FSTL4: variants seen among roughly 807,000 people sequenced by gnomAD.
FSTL4 encodes follistatin like 4.
A neutral mutation model predicts 78.2 loss-of-function variants in FSTL4; 28 were observed. The observed-to-expected ratio is 0.36, with a 90% CI of 0.27 to 0.49. FSTL4 has a LOEUF of 0.49. Ranked by LOEUF, FSTL4 falls within the 20% of genes least tolerant of loss-of-function variation. The pLI, the probability that FSTL4 is intolerant of heterozygous loss-of-function variation, is 0.98. For synonymous variants in FSTL4, 422 were observed against 440.5 expected, an observed-to-expected ratio of 0.96 and a Z score of 0.53; for missense variants, 922 against 1,084.9, an observed-to-expected ratio of 0.85 and a Z score of 2.11.
chr5:133,615,857 A>G (rs979280388), upstream of FSTL4, among the ~76,000 whole-genome samples: 1 of 152,216 alleles, frequency 6.6e-6, no homozygotes, highest in Non-Finnish European at 1.5e-5. Flanking sequence ...ACAAAGAAGA[A>G]GTGGTATAGA....
intron 3 of FSTL4, among the ~76,000 whole-genome samples, chr5:133,531,082 T>C (rs1486702425): frequency 6.6e-6 from 1 of 152,154 alleles, no homozygotes; most frequent in East Asian, 1.9e-4. Flanking sequence ...GGAGAGCGAA[T>C]GCAGAAAAGG....
At chr5:133,495,829 T>C (rs999001716) in intron 3 of FSTL4, among the ~76,000 whole-genome samples, 3 of 152,174 alleles carry the variant, frequency 2.0e-5, no homozygotes, top group Admixed American at 6.5e-5. Context: ...TAAATGTCCA[T>C]AGGCCATGAA....
chr5:133,368,366 T>C (rs1755221919), intron 4 of FSTL4, among the ~76,000 whole-genome samples: 1 of 152,236 alleles, frequency 6.6e-6, no homozygotes, highest in African/African-American at 2.4e-5. Flanking sequence ...ACCAGTGCTG[T>C]CTGCACAACT....
intron 4 of FSTL4, among the ~76,000 whole-genome samples, chr5:133,348,154 A>C (rs1195146960): frequency 6.6e-6 from 1 of 152,244 alleles, no homozygotes; most frequent in African/African-American, 2.4e-5. Flanking sequence ...TAAAGGTATC[A>C]AACTCTTGGC....
At chr5:133,625,397 T>C in the FSTL4 span, among the ~76,000 whole-genome samples, 1 of 151,662 alleles carries the variant, frequency 6.6e-6, no homozygotes, top group African/African-American at 2.4e-5. Flanking sequence ...CAAATTTGTG[T>C]GTATAGAGTG....
chr5:133,448,304 G>A (rs1030307240), intron 3 of FSTL4, among the ~76,000 whole-genome samples: 7 of 152,290 alleles, frequency 4.6e-5, no homozygotes, highest in South Asian at 2.1e-4. Context: ...CCCAGGGACC[G>A]TCCTCAGTGG....
chr5:133,199,239 C>G lies in FSTL4; in HGVS notation c.2385G>C (p.Met795Ile). ...ACTGTCCAAACAGCCCACTGTCCCT[C>G]ATGATTCTGTGGGTACCCCCCCAGG... ...AQPWGGTHRI[M>I]RDSGLFGQYL... The change falls in exon 16 of 16, where the codon ATG becomes ATC. Residue 795 changes from methionine to isoleucine, a missense_variant. Met to Ile is a conservative substitution (Grantham distance 10). Coordinates refer to ENST00000265342, the MANE Select transcript of FSTL4 (RefSeq NM_015082.2). The surrounding 1 kb of genome is among the most constrained non-coding windows in gnomAD (Gnocchi z 4.4). 10 of 1,613,742 alleles carry G rather than the reference C, an allele frequency of 6.2e-6. No individual in the cohort carries two copies. The highest frequency in any genetic ancestry group is 8.5e-6 in the Non-Finnish European group (10 of 1,179,646).
intron 3 of FSTL4, among the ~76,000 whole-genome samples, chr5:133,493,524 A>G (rs1758311252): frequency 6.6e-6 from 1 of 152,212 alleles, no homozygotes; most frequent in African/African-American, 2.4e-5. Flanking sequence ...ATTTTCACAG[A>G]GAGGGCAGTC....
chr5:133,442,140 C>G (rs916219598), intron 3 of FSTL4, among the ~76,000 whole-genome samples: 5 of 152,232 alleles, frequency 3.3e-5, no homozygotes, highest in African/African-American at 1.2e-4. Flanking sequence ...AAGGTCTCAA[C>G]TGATTATCTG....
At chr5:133,828,875 C>T in the FSTL4 span, among the ~76,000 whole-genome samples, 2 of 152,158 alleles carry the variant, frequency 1.3e-5, no homozygotes, top group African/African-American at 4.8e-5. Flanking sequence ...CTTCACTAAA[C>T]AAAGAGCTTT....
At chr5:133,283,536 T>C (rs977237905) in intron 6 of FSTL4, among the ~76,000 whole-genome samples, 2 of 152,152 alleles carry the variant, frequency 1.3e-5, no homozygotes, top group East Asian at 1.9e-4. Flanking sequence ...GCCAGACACA[T>C]GGTGGCATTC....
chr5:133,756,942 C>T, the FSTL4 span, among the ~76,000 whole-genome samples: 2 of 152,170 alleles, frequency 1.3e-5, no homozygotes, highest in Non-Finnish European at 2.9e-5. Flanking sequence ...AGTCAGCTCA[C>T]CCCGCCCCAG....
At chr5:133,759,572 T>G in the FSTL4 span, among the ~76,000 whole-genome samples, 1 of 152,234 alleles carries the variant, frequency 6.6e-6, no homozygotes, top group Non-Finnish European at 1.5e-5. Context: ...TAGGGCCCAG[T>G]ACTATGTGAT....
chr5:133,254,628 G>C (rs1295363258), intron 6 of FSTL4, among the ~76,000 whole-genome samples: 1 of 152,220 alleles, frequency 6.6e-6, no homozygotes, highest in Non-Finnish European at 1.5e-5. Flanking sequence ...TGGGCATCGT[G>C]CGTGATCAGG....
intron 4 of FSTL4, among the ~76,000 whole-genome samples, chr5:133,345,677 T>G (rs1392707239): frequency 1.3e-5 from 2 of 152,014 alleles, no homozygotes; most frequent in Non-Finnish European, 2.9e-5. Context: ...GAAATGCAAA[T>G]CAAAACCACA....
chr5:133,379,432 A>T (rs905977021), intron 4 of FSTL4, among the ~76,000 whole-genome samples: 2 of 152,142 alleles, frequency 1.3e-5, no homozygotes, highest in African/African-American at 4.8e-5. Flanking sequence ...ACCCTATTTA[A>T]CAAAAGCAGA....
intron 8 of FSTL4, among the ~76,000 whole-genome samples, chr5:133,229,171 C>T (rs1056628137): frequency 6.6e-6 from 1 of 152,166 alleles, no homozygotes; most frequent in Non-Finnish European, 1.5e-5. Flanking sequence ...GACTTAATAT[C>T]GTTAGGAAAC....
chr5:133,571,196 C>T (rs79547603), intron 2 of FSTL4, among the ~76,000 whole-genome samples: 2,670 of 152,172 alleles, frequency 0.018, 85 homozygotes, highest in African/African-American at 0.06. Flanking sequence ...AAGAAATAGT[C>T]GCCCTGACAA....
the FSTL4 span, among the ~76,000 whole-genome samples, chr5:133,681,185 C>T: frequency 1.7e-4 from 26 of 152,242 alleles, no homozygotes; most frequent in Admixed American, 3.9e-4. Flanking sequence ...GCTTCGTTTC[C>T]AGATCCTCAG....
Sources: allele counts gnomAD v4.1 joint callset (sites outside exome capture counted in the v4.1 genomes callset), GRCh38; gene constraint gnomAD v4.1.1; non-coding constraint Gnocchi (gnomAD v3.1); transcripts MANE v1.5; gene names NCBI Gene and HGNC (gene_info 2026-07-23, HGNC 2026-07-21).